Variants in TRIM9 observed in about 807,000 individuals in gnomAD.
TRIM9 encodes tripartite motif containing 9.
In TRIM9, 26 loss-of-function variants were observed where a neutral mutation model predicts 78.3. That is an observed-to-expected ratio of 0.33 (90% CI 0.24 to 0.46). The LOEUF is 0.46. Among genes scored for constraint, TRIM9 ranks in the 20% least tolerant of loss-of-function variants. The probability of loss-of-function intolerance (pLI) is 1.00; values close to 1 mark genes in which losing one functional copy is unlikely to be tolerated. For synonymous variants in TRIM9, 398 were observed against 416.5 expected (o/e 0.96, Z 0.54); for missense variants, 787 against 1,036.4 (o/e 0.76, Z 3.30).
chr14:51,061,473 T>A (rs2061349279), intron 1 of TRIM9, among the ~76,000 whole-genome samples: 1 of 152,100 alleles, frequency 6.6e-6, no homozygotes, highest in African/African-American at 2.4e-5. Flanking sequence ...ACATATTGAA[T>A]TTAAGTCCTC....
Position 51,094,694 on chromosome 14 carries a change from C to T in TRIM9, c.246G>A (p.Gly82=). The part of the protein sequence containing the change: ...SEADSGYGSY[G]GFASAPTTPC... ...GGGTAGTGGGGGCGCTGGCGAACCC[C>T]CCGTAGGAGCCATAGCCGCTGTCCG... The change falls in exon 1 of 13, where the codon GGG becomes GGA. Residue 82 remains glycine (G), a synonymous_variant. Transcript: ENST00000684578. The T allele has an allele frequency of 4.5e-6, 7 of 1,568,766 alleles. No homozygotes were observed. Among genetic ancestry groups the T allele is most frequent in the Non-Finnish European group, 5.2e-6 (6 of 1,156,364 alleles).
intron 3 of TRIM9, among the ~76,000 whole-genome samples, chr14:51,022,448 A>G (rs531120216): frequency 6.6e-6 from 1 of 152,330 alleles, no homozygotes; most frequent in African/African-American, 2.4e-5. Context: ...TGAGCTAAAT[A>G]TAATTCTATT....
intron 1 of TRIM9, among the ~76,000 whole-genome samples, chr14:51,041,217 T>C (rs985148360): frequency 2.0e-5 from 3 of 152,238 alleles, no homozygotes; most frequent in Admixed American, 1.3e-4. Context: ...ATCTAAGATT[T>C]GACTCCCATG....
chr14:50,999,576 G>T (rs1372084591), intron 6 of TRIM9, among the ~76,000 whole-genome samples: 1 of 152,156 alleles, frequency 6.6e-6, no homozygotes, highest in Non-Finnish European at 1.5e-5. Flanking sequence ...CCTAGTGGGG[G>T]ATCAAAAACA....
intron 7 of TRIM9, chr14:50,996,825 C>G: frequency 2.0e-6 from 2 of 985,452 alleles, no homozygotes; most frequent in Non-Finnish European, 2.4e-6. Flanking sequence ...GGCATTTTCC[C>G]TCAGCATATC....
At chr14:51,032,641 A>G (rs1228417803) in intron 1 of TRIM9, among the ~76,000 whole-genome samples, 1 of 152,220 alleles carries the variant, frequency 6.6e-6, no homozygotes, top group South Asian at 2.1e-4. Flanking sequence ...TGGATCTACC[A>G]AGAGCACACA....
intron 1 of TRIM9, among the ~76,000 whole-genome samples, chr14:51,029,836 G>A (rs2058578313): frequency 6.6e-6 from 1 of 152,168 alleles, no homozygotes; most frequent in East Asian, 1.9e-4. Context: ...TCATCTGATG[G>A]CAAACTCATG....
chr14:51,068,463 A>T (rs1164819125), intron 1 of TRIM9, among the ~76,000 whole-genome samples: 2 of 152,184 alleles, frequency 1.3e-5, no homozygotes, highest in Non-Finnish European at 2.9e-5. Context: ...ATCACATGAC[A>T]TTTATTAAGA....
In TRIM9 at chr14:50,979,380, T is replaced by C. The variant is rs968324722; in HGVS notation, c.2325+7A>G. 3.1e-6 allele frequency: 5 copies of C among 1,614,028 alleles called. No individual in the cohort carries two copies. Among genetic ancestry groups the C allele is most frequent in the Non-Finnish European group, 3.4e-6 (4 of 1,180,030 alleles). Reference sequence around the variant, plus strand: ...CAGCTGTTTAACCTCAGGGGCAGGGTGCTTACCTGCACGTTCCTGTTCAGG... The same window carrying C: ...CAGCTGTTTAACCTCAGGGGCAGGGCGCTTACCTGCACGTTCCTGTTCAGG... On this transcript the variant is annotated splice_region_variant and intron_variant, in intron 12 of 12. Coordinates refer to ENST00000684578, the MANE Select transcript of TRIM9 (RefSeq NM_001387360.1).
At chr14:51,013,879 T>G (rs1019975596) in intron 3 of TRIM9, among the ~76,000 whole-genome samples, 2 of 152,228 alleles carry the variant, frequency 1.3e-5, no homozygotes, top group Non-Finnish European at 2.9e-5. Context: ...TAATATGCTA[T>G]TCCCCTCTGC....
chr14:51,013,040 A>G (rs1421723634), intron 3 of TRIM9, among the ~76,000 whole-genome samples: 10 of 152,132 alleles, frequency 6.6e-5, no homozygotes, highest in Non-Finnish European at 8.8e-5. Context: ...TTTCCAACTT[A>G]CCTATATTTT....
chr14:50,994,043 AG>A (rs1417776809), intron 7 of TRIM9, among the ~76,000 whole-genome samples: 1 of 152,236 alleles, frequency 6.6e-6, no homozygotes, highest in African/African-American at 2.4e-5. Context: ...GATTACATTA[AG>A]GATCTTGAGA....
At chr14:51,091,170 T>C (rs1230152093) in intron 1 of TRIM9, 1 of 152,208 alleles carries the variant, frequency 6.6e-6, no homozygotes, top group Non-Finnish European at 1.5e-5. Flanking sequence ...TTATTTTTCA[T>C]GGAGTTTTGA....
At chr14:51,081,304 C>T (rs892950747) in intron 1 of TRIM9, among the ~76,000 whole-genome samples, 1 of 152,150 alleles carries the variant, frequency 6.6e-6, no homozygotes. Context: ...GACTTCACCT[C>T]ACATCCACTA....
At chr14:51,076,200 C>T (rs1256720920) in intron 1 of TRIM9, among the ~76,000 whole-genome samples, 1 of 152,192 alleles carries the variant, frequency 6.6e-6, no homozygotes. Flanking sequence ...AAGACACACT[C>T]AAGAGGAAGA....
At chr14:51,040,159 A>G (rs536137950) in intron 1 of TRIM9, among the ~76,000 whole-genome samples, 10 of 152,346 alleles carry the variant, frequency 6.6e-5, no homozygotes, top group Middle Eastern at 3.4e-3. Flanking sequence ...TGCAAGAAAA[A>G]GTAAATATTT....
At chr14:51,033,926 A>G (rs879716372) in intron 1 of TRIM9, among the ~76,000 whole-genome samples, 1 of 152,242 alleles carries the variant, frequency 6.6e-6, no homozygotes. Context: ...AGAAGAGAAT[A>G]TACCCATTGA....
At chr14:51,068,479 C>A (rs2061942366) in intron 1 of TRIM9, among the ~76,000 whole-genome samples, 1 of 152,158 alleles carries the variant, frequency 6.6e-6, no homozygotes, top group South Asian at 2.1e-4. Context: ...TAAGAGCTGC[C>A]TGTGTGCCTG....
At chr14:51,058,607 G>A (rs182126306) in intron 1 of TRIM9, among the ~76,000 whole-genome samples, 16 of 152,016 alleles carry the variant, frequency 1.1e-4, no homozygotes, top group East Asian at 3.9e-4. Context: ...GGGGTGGTGC[G>A]CTGGTGAGCC....
Sources: gnomAD v4.1 joint callset for allele counts (sites outside exome capture counted in the v4.1 genomes callset) on GRCh38, gnomAD v4.1.1 for gene constraint, MANE v1.5 for transcripts, NCBI Gene and HGNC (gene_info 2026-07-23, HGNC 2026-07-21) for gene names.